SORCS2: variants seen among roughly 807,000 people sequenced by gnomAD.
SORCS2 encodes VPS10 domain-containing receptor SorCS2.
In SORCS2, 100 loss-of-function variants were observed where a neutral mutation model predicts 141.6. That is an observed-to-expected ratio of 0.71 (90% confidence interval 0.60 to 0.83). The LOEUF (loss-of-function observed/expected upper bound fraction) is 0.83. Among genes scored for constraint, SORCS2 ranks in the 40% least tolerant of loss-of-function variants. The pLI is 0.00. For missense variants in SORCS2, 1,646 were observed against 1,560.2 expected (o/e 1.05, Z -0.93); for synonymous variants, 789 against 676.9 (o/e 1.17, Z -2.57).
intron 1 of SORCS2, among the ~76,000 whole-genome samples, chr4:7,282,956 CATTA>C (rs1715978356): frequency 6.6e-6 from 1 of 152,230 alleles, no homozygotes; most frequent in African/African-American, 2.4e-5. Flanking sequence ...CATTCACACT[CATTA>C]ATTCATTCAT....
chr4:7,540,788 G>C (rs879598209), intron 3 of SORCS2, among the ~76,000 whole-genome samples: 4 of 152,140 alleles, frequency 2.6e-5, no homozygotes, highest in Non-Finnish European at 5.9e-5. Context: ...CCTGCCCCCC[G>C]CACCCCGGGT....
intron 1 of SORCS2, among the ~76,000 whole-genome samples, chr4:7,263,847 T>G (rs1248386690): frequency 6.6e-6 from 1 of 152,278 alleles, no homozygotes; most frequent in Admixed American, 6.5e-5. Context: ...TGGACACTGG[T>G]TCATCCACGG....
At chr4:7,383,516 G>C (rs1459072605) in intron 1 of SORCS2, among the ~76,000 whole-genome samples, 2 of 152,206 alleles carry the variant, frequency 1.3e-5, no homozygotes, top group African/African-American at 4.8e-5. Flanking sequence ...CAGCAGGGAG[G>C]GGGAGAGCAT....
rs141016654 is a variant in SORCS2, at chr4:7,338,876, C to G, written c.481-57412C>G. ...TCCTGGGCCTCCAAGGCTCTGTGGA[C>G]GGCAGTACTGTGGAAGGCACGTGGT... On this transcript the variant is annotated intron_variant, in intron 1 of 26. Transcript: ENST00000507866. Among the ~76,000 whole-genome samples, 1,235 of 152,260 alleles carry G rather than the reference C, an allele frequency of 8.1e-3. 19 individuals carry two copies. Among genetic ancestry groups the G allele is most frequent in the African/African-American group, 0.029 (1,191 of 41,532 alleles).
chr4:7,469,123 C>A (rs574629061), intron 2 of SORCS2, among the ~76,000 whole-genome samples: 1 of 138,026 alleles, frequency 7.2e-6, no homozygotes, highest in African/African-American at 3.5e-5. Context: ...GGTGATGGTG[C>A]TGATAGTGGT....
chr4:7,719,292 C>T (rs368262801), intron 18 of SORCS2, among the ~76,000 whole-genome samples: 2 of 152,244 alleles, frequency 1.3e-5, no homozygotes, highest in Non-Finnish European at 2.9e-5. Flanking sequence ...CCCAAGACGA[C>T]GCAGAGCAGT....
rs891761285 is a variant in SORCS2, at chr4:7,419,703, C to T, written c.548+23348C>T. On this transcript the variant is annotated intron_variant, in intron 2 of 26. Transcript: ENST00000507866. ...TCATCTGAACTGCAGATTGGCAAGC[C>T]GTCTCAGACAAATAGGCCTCTCTGC... 7.2e-4 allele frequency among the ~76,000 whole-genome samples: 109 copies of T among 151,874 alleles called. 2 individuals are homozygous for T. The highest frequency in any genetic ancestry group is 8.8e-5 in the Non-Finnish European group (6 of 67,970).
chr4:7,470,704 A>G (rs2109344708), intron 2 of SORCS2, among the ~76,000 whole-genome samples: 2 of 152,320 alleles, frequency 1.3e-5, no homozygotes, highest in South Asian at 2.1e-4. Context: ...CAGTGGAAGA[A>G]CAGTCAGGAC....
chr4:7,310,441 A>G (rs955370065), intron 1 of SORCS2: 2 of 154,352 alleles, frequency 1.3e-5, no homozygotes, highest in Non-Finnish European at 2.9e-5. Flanking sequence ...ATACATTTTC[A>G]TAATAATGAA....
intron 3 of SORCS2, among the ~76,000 whole-genome samples, chr4:7,604,724 G>C (rs561891413): frequency 6.6e-6 from 1 of 152,194 alleles, no homozygotes; most frequent in Non-Finnish European, 1.5e-5. Context: ...GGCCTGCCCA[G>C]CCATGCAGAA....
In SORCS2 at chr4:7,741,963, CG is replaced by C. The variant is rs1271696148; in HGVS notation, c.*1705del. On this transcript the variant is annotated 3_prime_UTR_variant, in exon 27 of 27. Transcript: ENST00000507866. ...AGACTGGAACCTCATCTCCCTGGGT[CG>C]GGGGGTGTTCAAGGCCACAGGACAA... is the stretch of plus-strand genomic sequence containing the variant. The C allele has an allele frequency of 6.6e-6, 1 of 152,306 alleles. No homozygotes were observed. The highest frequency in any genetic ancestry group is 1.5e-5 in the Non-Finnish European group (1 of 68,072). 9.4% of individuals were successfully genotyped at this position (152,306 alleles called of 1,614,324 possible).
At chr4:7,479,097 G>C (rs753302718) in intron 2 of SORCS2, among the ~76,000 whole-genome samples, 4 of 151,978 alleles carry the variant, frequency 2.6e-5, no homozygotes, top group African/African-American at 4.8e-5. Flanking sequence ...AAGGTTACAG[G>C]TTAGGATCAG....
In SORCS2 at chr4:7,652,896, C is replaced by G. The variant is rs188237529; in HGVS notation, c.814-1238C>G. 1.8e-4 allele frequency among the ~76,000 whole-genome samples: 27 copies of G among 152,338 alleles called. No individual in the cohort carries two copies. In the East Asian group the frequency reaches 5.2e-3, roughly 29 times the overall value. ...AAGTGAAAAATGTTGACAATCAGGT[C>G]AAATGCTTTTCCTTTCTTCTGCGCT... On this transcript the variant is annotated intron_variant, in intron 4 of 26. Coordinates refer to ENST00000507866, the MANE Select transcript of SORCS2 (RefSeq NM_020777.3).
intron 3 of SORCS2, among the ~76,000 whole-genome samples, chr4:7,637,382 C>T (rs13130320): frequency 0.28 from 42,959 of 152,172 alleles, 7,137 homozygotes; most frequent in East Asian, 0.72. Flanking sequence ...TGGGCCCCAC[C>T]CCGTCACTCT....
At chr4:7,214,360 T>C (rs1280132392) in intron 1 of SORCS2, among the ~76,000 whole-genome samples, 1 of 152,134 alleles carries the variant, frequency 6.6e-6, no homozygotes, top group East Asian at 1.9e-4. Flanking sequence ...TCAGCTCCCC[T>C]TTTCCTCTTT....
At chr4:7,733,859 C>G (rs2148898459) in intron 24 of SORCS2, among the ~76,000 whole-genome samples, 1 of 152,318 alleles carries the variant, frequency 6.6e-6, no homozygotes, top group East Asian at 1.9e-4. Flanking sequence ...CAGTGGGAGC[C>G]AGGTCAAGGG....
chr4:7,725,190 T>C lies in SORCS2; in HGVS notation c.2648T>C (p.Val883Ala), dbSNP rs762605856. ...LQALYLEVVP[V>A]IGLNQEVNLT... The stretch of plus-strand genomic sequence containing the variant: ...GCCCTCTACCTGGAGGTGGTTCCTG[T>C]CATTGGCCTCAACCAGGAGGTGAAC... The change falls in exon 20 of 27, where the codon GTC becomes GCC. Residue 883 changes from valine to alanine, a missense_variant. By Grantham distance (64) the Val-to-Ala change is moderately conservative. Transcript: ENST00000507866. 8 of 1,613,428 alleles carry C rather than the reference T, an allele frequency of 5.0e-6. No homozygotes were observed. In the South Asian group the frequency reaches 5.5e-5, roughly 11 times the overall value.
chr4:7,716,347 T>C (rs1481893438), intron 17 of SORCS2, among the ~76,000 whole-genome samples: 1 of 151,868 alleles, frequency 6.6e-6, no homozygotes, highest in Non-Finnish European at 1.5e-5. Flanking sequence ...CACTCGTTCA[T>C]CTCCCATCTA....
chr4:7,690,730 C>G (rs1191879153), intron 11 of SORCS2, among the ~76,000 whole-genome samples: 1 of 151,918 alleles, frequency 6.6e-6, no homozygotes, highest in African/African-American at 2.4e-5. Context: ...GTAGGTGGAT[C>G]AATGGATGGA....
Sources: gnomAD v4.1 joint callset for allele counts (sites outside exome capture counted in the v4.1 genomes callset) on GRCh38, gnomAD v4.1.1 for gene constraint, MANE v1.5 for transcripts, NCBI Gene and HGNC (gene_info 2026-07-23, HGNC 2026-07-21) for gene names.